Variants in SCN8A observed in about 807,000 individuals in gnomAD.
The protein encoded by SCN8A is sodium channel protein type 8 subunit alpha.
SCN8A carries 30 observed loss-of-function variants against 184.1 expected under a neutral mutation model. That is an observed-to-expected ratio of 0.16 (90% confidence interval 0.12 to 0.22). The LOEUF (loss-of-function observed/expected upper bound fraction) is 0.22. SCN8A is among the 10% of genes least tolerant of loss of function. The probability of loss-of-function intolerance (pLI) is 1.00; values close to 1 mark genes in which losing one functional copy is unlikely to be tolerated. For synonymous variants in SCN8A, 852 were observed against 907.0 expected (o/e 0.94, Z 1.09); for missense variants, 1,057 against 2,498.9 (o/e 0.42, Z 12.30).
At chr12:51,617,713 CAT>C (rs1939871389) in intron 1 of SCN8A, among the ~76,000 whole-genome samples, 1 of 152,168 alleles carries the variant, frequency 6.6e-6, no homozygotes, top group African/African-American at 2.4e-5. Flanking sequence ...TTGTTTAAAT[CAT>C]ATAGAGAATG....
rs1938952470 is a variant in SCN8A, at chr12:51,812,733, ATGCT to A, written c.*5307_*5310del. ...TTCTGTTTATGCGGAAATGGCAGAA[ATGCT>A]TGAGAAATGAGAATGTGTAAGTGGA... On this transcript the variant is annotated 3_prime_UTR_variant, in exon 27 of 27. Coordinates refer to ENST00000627620, the MANE Select transcript of SCN8A (RefSeq NM_001330260.2). 1 of 152,250 alleles carries A rather than the reference ATGCT, an allele frequency of 6.6e-6. No individual in the cohort carries two copies. The highest frequency in any genetic ancestry group is 1.5e-5 in the Non-Finnish European group (1 of 68,062). 9.4% of individuals were successfully genotyped at this position (152,250 alleles called of 1,614,324 possible). A position where few individuals can be genotyped will look rare whatever the true frequency, so the allele number is the denominator to read the frequency against.
rs189336521 is a variant in SCN8A, at chr12:51,626,844, A to G, written c.-55+35485A>G. On this transcript the variant is annotated intron_variant, in intron 1 of 26. Coordinates refer to ENST00000627620, the MANE Select transcript of SCN8A (RefSeq NM_001330260.2). ...TTTAATTATATATTCTATTATATGT[A>G]AATTAGTATTTATTTATTTATTTAG... 5.8e-3 allele frequency among the ~76,000 whole-genome samples: 875 copies of G among 149,980 alleles called. 8 individuals are homozygous for G. Among genetic ancestry groups the G allele is most frequent in the Middle Eastern group, 7.0e-3 (2 of 286 alleles).
rs996663649 is a variant in SCN8A at position 51,795,532 on chromosome 12, G to A, written c.4795+891G>A. ...GCTGGGCCTAGTGTAGTGGTTATAA[G>A]GTACCAGAAGGCAGGGGTCTCCCCT... is the stretch of plus-strand genomic sequence containing the variant. On this transcript the variant is annotated intron_variant, in intron 26 of 26. Transcript: ENST00000627620. 3.5e-4 allele frequency among the ~76,000 whole-genome samples: 53 copies of A among 152,178 alleles called. 1 individual carries two copies. Among genetic ancestry groups the A allele is most frequent in the Non-Finnish European group, 1.3e-4 (9 of 68,016 alleles).
At chr12:51,718,738 T>G (rs1461328262) in intron 11 of SCN8A, among the ~76,000 whole-genome samples, 1 of 149,418 alleles carries the variant, frequency 6.7e-6, no homozygotes, top group African/African-American at 2.4e-5. Flanking sequence ...TAAAAATAAA[T>G]GTTGGCAATG....
At chr12:51,665,112 A>T (rs1941007747) in intron 2 of SCN8A, among the ~76,000 whole-genome samples, 1 of 152,254 alleles carries the variant, frequency 6.6e-6, no homozygotes, top group African/African-American at 2.4e-5. Context: ...ATGAAAAAAT[A>T]TATAGAGCTA....
chr12:51,603,734 T>C lies in SCN8A; in HGVS notation c.-55+12375T>C, dbSNP rs191061953. ...CACTTGGAATTGTCAGGTTTAAATT[T>C]TTTTTTTTTTATCTTAGCCATTCTA... On this transcript the variant is annotated intron_variant, in intron 1 of 26. Transcript: ENST00000627620. 3.5e-3 allele frequency among the ~76,000 whole-genome samples: 531 copies of C among 152,210 alleles called. 2 individuals carry two copies. The highest frequency in any genetic ancestry group is 9.9e-3 in the Admixed American group (151 of 15,284).
At chr12:51,608,692 C>G (rs904534754) in intron 1 of SCN8A, among the ~76,000 whole-genome samples, 1 of 151,990 alleles carries the variant, frequency 6.6e-6, no homozygotes, top group African/African-American at 2.4e-5. Context: ...AAAGAACCAG[C>G]TTTTTGTTTC....
intron 13 of SCN8A, among the ~76,000 whole-genome samples, chr12:51,750,585 A>G (rs1166730616): frequency 1.3e-5 from 2 of 152,188 alleles, no homozygotes; most frequent in Admixed American, 1.3e-4. Flanking sequence ...CTTTGAGAAC[A>G]TAGCAGATGT....
rs397974598 is a variant in SCN8A at position 51,807,885 on chromosome 12, A to AAC, written c.*469_*470dup. The AAC allele has an allele frequency of 0.036, 7,003 of 196,552 alleles. 518 individuals carry two copies. The highest frequency in any genetic ancestry group is 0.15 in the African/African-American group (6,509 of 42,258). The allele number at this position is 196,552 out of a possible 1,614,324, so 12.2% of individuals were successfully genotyped here. ...TAGTTAAGCTAAGCAGCAAAAAGAA[A>AAC]ACACACACACACACTCACATTTAGC... On this transcript the variant is annotated 3_prime_UTR_variant, in exon 27 of 27. Coordinates refer to ENST00000627620, the MANE Select transcript of SCN8A (RefSeq NM_001330260.2). The surrounding 1 kb of genome is among the most constrained non-coding windows in gnomAD (Gnocchi z 4.5).
intron 2 of SCN8A, among the ~76,000 whole-genome samples, chr12:51,680,952 C>T (rs576417177): frequency 1.3e-5 from 2 of 151,870 alleles, no homozygotes; most frequent in South Asian, 2.1e-4. Flanking sequence ...TGCAGTGAGC[C>T]GAGATTGCGC....
intron 12 of SCN8A, chr12:51,722,354 C>T (rs1942083144): frequency 5.3e-6 from 1 of 189,728 alleles, no homozygotes; most frequent in Admixed American, 5.5e-5. Flanking sequence ...GCCATGGAGC[C>T]ACCACCAATG....
chr12:51,806,347 T>C lies in SCN8A; in HGVS notation c.4861T>C (p.Leu1621=), dbSNP rs2138942326. 2.5e-6 allele frequency: 4 copies of C among 1,569,138 alleles called. No individual in the cohort carries two copies. Among genetic ancestry groups the C allele is most frequent in the African/African-American group, 1.4e-5 (1 of 73,870 alleles). Residue 1621 remains leucine, a synonymous_variant, in exon 27 of 27, where the codon TTG becomes CTG. Coordinates refer to ENST00000627620, the MANE Select transcript of SCN8A (RefSeq NM_001330260.2). This position sits in a 1 kb window ranked among gnomAD's most constrained non-coding sequence, Gnocchi z 8.7. The part of the protein sequence containing the change: ...VSPTLFRVIR[L]ARIGRILRLI... ...CCCAACCCTATTCCGAGTCATCCGA[T>C]TGGCCCGTATTGGGCGCATCTTGCG...
chr12:51,768,468 C>A (rs567762176), intron 16 of SCN8A, among the ~76,000 whole-genome samples: 1 of 152,236 alleles, frequency 6.6e-6, no homozygotes, highest in Admixed American at 6.5e-5. Flanking sequence ...TGGGTCCTCT[C>A]AAACTCTGCT....
In SCN8A at chr12:51,761,582, C is replaced by T. The variant is rs745633517; in HGVS notation, c.2371-921C>T. On this transcript the variant is annotated intron_variant, in intron 14 of 26. Coordinates refer to ENST00000627620, the MANE Select transcript of SCN8A (RefSeq NM_001330260.2). ...TTGGCTCACTGCAACCTCTGCCTCC[C>T]GGGCTCAAGTGATTCTCTCACCTCA... is the stretch of plus-strand genomic sequence containing the variant. Among the ~76,000 whole-genome samples, 7 of 151,848 alleles carry T rather than the reference C, an allele frequency of 4.6e-5. 1 individual carries two copies. The highest frequency in any genetic ancestry group is 7.4e-5 in the Non-Finnish European group (5 of 68,004).
At chr12:51,683,054 TC>T (rs1334046306) in intron 2 of SCN8A, among the ~76,000 whole-genome samples, 1 of 152,186 alleles carries the variant, frequency 6.6e-6, no homozygotes, top group African/African-American at 2.4e-5. Context: ...ACTTCCCAGC[TC>T]ACTCTCTTTT....
chr12:51,730,106 C>T (rs1194310239), intron 12 of SCN8A, among the ~76,000 whole-genome samples: 1 of 151,376 alleles, frequency 6.6e-6, no homozygotes, highest in Non-Finnish European at 1.5e-5. Flanking sequence ...TGGCTTTTTG[C>T]ATCCTGTTCA....
At chr12:51,764,451 A>G (rs1420637640) in intron 15 of SCN8A, among the ~76,000 whole-genome samples, 2 of 152,158 alleles carry the variant, frequency 1.3e-5, no homozygotes, top group African/African-American at 4.8e-5. Flanking sequence ...CTTGGCCAAC[A>G]TAGTGAAACC....
intron 1 of SCN8A, among the ~76,000 whole-genome samples, chr12:51,659,045 A>G (rs780961393): frequency 6.6e-5 from 10 of 152,252 alleles, no homozygotes; most frequent in Non-Finnish European, 8.8e-5. Flanking sequence ...GAAGGCTCTT[A>G]GCAGCTTTTA....
chr12:51,616,620 A>G (rs1939843784), intron 1 of SCN8A, among the ~76,000 whole-genome samples: 1 of 152,060 alleles, frequency 6.6e-6, no homozygotes, highest in Non-Finnish European at 1.5e-5. Flanking sequence ...AAACAAACAA[A>G]CAAAAAGTGT....
Sources: allele counts gnomAD v4.1 joint callset (sites outside exome capture counted in the v4.1 genomes callset), GRCh38; gene constraint gnomAD v4.1.1; non-coding constraint Gnocchi (gnomAD v3.1); transcripts MANE v1.5; gene names NCBI Gene and HGNC (gene_info 2026-07-23, HGNC 2026-07-21).